TRA2A: variants seen among roughly 807,000 people sequenced by gnomAD.
The protein encoded by TRA2A is transformer 2 alpha homolog.
TRA2A carries 31 observed loss-of-function variants against 45.7 expected under a neutral mutation model. That is an observed-to-expected ratio of 0.68 (90% CI 0.51 to 0.92). The LOEUF (loss-of-function observed/expected upper bound fraction) is 0.92, where lower values mean the gene tolerates loss of function less well. Among genes scored for constraint, TRA2A ranks in the 40% least tolerant of loss-of-function variants. The pLI is 0.00. For missense variants in TRA2A, 304 were observed against 367.5 expected, an observed-to-expected ratio of 0.83 and a Z score of 1.41; for synonymous variants, 132 against 126.2, an observed-to-expected ratio of 1.05 and a Z score of -0.31.
In TRA2A at chr7:23,518,427, C is replaced by T. The variant is rs541854189; in HGVS notation, c.171-1899G>A. ...CACAATCTCAGCTCACTGCAACCTCCGCCTTCTGGGTTCAAGTGATTCTCC... is the reference window on the plus strand; with the variant it reads ...CACAATCTCAGCTCACTGCAACCTCTGCCTTCTGGGTTCAAGTGATTCTCC... On this transcript the variant is annotated intron_variant, in intron 2 of 7. Coordinates refer to ENST00000297071, the MANE Select transcript of TRA2A (RefSeq NM_013293.5). Among the ~76,000 whole-genome samples the T allele has an allele frequency of 2.8e-4, 43 of 152,230 alleles. 1 individual carries two copies. The South Asian group carries it at 8.3e-3, about 29-fold the overall frequency.
In TRA2A at chr7:23,531,879, G is replaced by C; in HGVS notation, c.-55C>G. The C allele has an allele frequency of 6.3e-7, 1 of 1,596,852 alleles. No individual in the cohort carries two copies. Among genetic ancestry groups the C allele is most frequent in the Non-Finnish European group, 8.6e-7 (1 of 1,167,424 alleles). Reference sequence around the variant, plus strand: ...AGAGACAAGTCTCGGCTCGAGGGCCGATGGCCTAATTAACCCGCTGACTGG... The same window carrying C: ...AGAGACAAGTCTCGGCTCGAGGGCCCATGGCCTAATTAACCCGCTGACTGG... On this transcript the variant is annotated 5_prime_UTR_variant, in exon 1 of 8. The change creates a new upstream start codon in the 5' untranslated region. Coordinates refer to ENST00000297071, the MANE Select transcript of TRA2A (RefSeq NM_013293.5).
intron 1 of TRA2A, among the ~76,000 whole-genome samples, chr7:23,528,209 G>GT (rs558143307): frequency 1.6e-3 from 241 of 151,540 alleles, no homozygotes; most frequent in African/African-American, 5.1e-3. Flanking sequence ...AAAGTTCTGT[G>GT]TTTTTTTTTG....
chr7:23,517,051 G>A (rs982144445), intron 2 of TRA2A, among the ~76,000 whole-genome samples: 7 of 152,002 alleles, frequency 4.6e-5, no homozygotes, highest in African/African-American at 1.7e-4. Context: ...GAGGTTGCAA[G>A]CCGAGATTGC....
chr7:23,506,366 A>C (rs1421064288), intron 5 of TRA2A, 100 bp from the exon 6 acceptor site: 10 of 1,349,176 alleles, frequency 7.4e-6, no homozygotes, highest in Non-Finnish European at 8.7e-6. Context: ...AGTGAGGAAG[A>C]ACATCCCTTT....
Position 23,505,780 on chromosome 7 carries a change from A to G in TRA2A, c.804T>C (p.Tyr268=), listed in dbSNP as rs35281714. ...RRSPSPYYSR[Y]RSRSRSRSYS... Reference sequence around the variant, plus strand: ...AGGAACGAGATCTTGATCGTGATCTATATCGACTATAATAAGGAGAAGGTG... The same window carrying G: ...AGGAACGAGATCTTGATCGTGATCTGTATCGACTATAATAAGGAGAAGGTG... The change falls in exon 7 of 8, where the codon TAT becomes TAC. Residue 268 remains tyrosine, a synonymous_variant. Transcript: ENST00000297071. 23,861 of 1,564,976 alleles carry G rather than the reference A, an allele frequency of 0.015. 253 individuals carry two copies. The highest frequency in any genetic ancestry group is 0.032 in the South Asian group (2,637 of 81,950).
At chr7:23,522,469 G>A (rs995770649) in intron 1 of TRA2A, 177 of 1,040,546 alleles carry the variant, frequency 1.7e-4, no homozygotes, top group Non-Finnish European at 2.1e-4. Context: ...ATTTAAGCAC[G>A]TGGGGATTAT....
At chr7:23,518,386 G>C (rs1424905004) in intron 2 of TRA2A, among the ~76,000 whole-genome samples, 2 of 152,040 alleles carry the variant, frequency 1.3e-5, no homozygotes, top group Non-Finnish European at 2.9e-5. Context: ...TCTTCACCCA[G>C]GCTGGAGTGC....
intron 4 of TRA2A, among the ~76,000 whole-genome samples, chr7:23,510,939 G>A (rs990116462): frequency 6.6e-6 from 1 of 152,004 alleles, no homozygotes; most frequent in African/African-American, 2.4e-5. Flanking sequence ...AGAGTTATCC[G>A]GGGTTTCTCA....
At chr7:23,515,860 A>T (rs891492754) in intron 3 of TRA2A, among the ~76,000 whole-genome samples, 1 of 150,186 alleles carries the variant, frequency 6.7e-6, no homozygotes, top group Admixed American at 6.6e-5. Flanking sequence ...TGTCCTTTTT[A>T]CTCAAACGTC....
chr7:23,516,524 T>C lies in TRA2A; in HGVS notation c.175A>G (p.Arg59Gly). Residue 59 changes from arginine to glycine, a missense_variant, in exon 3 of 8, where the codon AGG becomes GGG. Around this residue, in one of 3 missense-constraint regions of TRA2A, gnomAD observed 132 missense variants for 113.4 expected, o/e 1.16. Transcript: ENST00000297071. ...HSRSRSKSRSRSRRHSHRRYT... is the reference protein window; with the variant it reads ...HSRSRSKSRSGSRRHSHRRYT... ...CGTCTATGAGAATGTCTCCTTGACC[T>C]CGACCTTTGAGAGAAATACATTTAG... 6.2e-7 allele frequency: 1 copy of C among 1,613,770 alleles called. No homozygotes were observed. The highest frequency in any genetic ancestry group is 8.5e-7 in the Non-Finnish European group (1 of 1,179,890).
intron 7 of TRA2A, 46 bp from the exon 8 acceptor site, chr7:23,505,615 A>T: frequency 1.6e-6 from 1 of 613,966 alleles, no homozygotes; most frequent in Admixed American, 3.2e-5. Context: ...AAAAGTTAAC[A>T]ATTATAGTTT....
chr7:23,506,422 T>G, intron 5 of TRA2A, 156 bp from the exon 6 acceptor site: 1 of 937,268 alleles, frequency 1.1e-6, no homozygotes, highest in South Asian at 2.3e-5. Context: ...TCCCATGGTA[T>G]TCTGGTTTGC....
chr7:23,530,740 C>CT (rs1245975562), intron 1 of TRA2A, among the ~76,000 whole-genome samples: 2 of 152,054 alleles, frequency 1.3e-5, no homozygotes, highest in East Asian at 1.9e-4. Context: ...TTAATAAAAA[C>CT]TTTTTTCTGA....
chr7:23,530,257 A>C (rs1344126221), intron 1 of TRA2A, among the ~76,000 whole-genome samples: 2 of 152,136 alleles, frequency 1.3e-5, no homozygotes, highest in African/African-American at 4.8e-5. Flanking sequence ...AGCAGGTTCA[A>C]TTTTCATTTG....
intron 2 of TRA2A, among the ~76,000 whole-genome samples, chr7:23,521,040 A>G (rs1790113649): frequency 6.6e-6 from 1 of 152,160 alleles, no homozygotes; most frequent in Admixed American, 6.6e-5. Flanking sequence ...GGCATTTGAC[A>G]GTGAACTTTG....
intron 2 of TRA2A, among the ~76,000 whole-genome samples, chr7:23,519,178 G>C (rs969085513): frequency 1.1e-4 from 17 of 152,170 alleles, no homozygotes; most frequent in African/African-American, 1.7e-4. Flanking sequence ...CAGATCACAA[G>C]GTCAGGAGAT....
At chr7:23,521,559 G>C in intron 2 of TRA2A, 148 bp downstream of exon 2, 1 of 892,204 alleles carries the variant, frequency 1.1e-6, no homozygotes, top group East Asian at 2.6e-5. Flanking sequence ...TCTTTGTCTG[G>C]GATATAGTAT....
At chr7:23,519,325 C>G (rs1790029532) in intron 2 of TRA2A, among the ~76,000 whole-genome samples, 1 of 152,148 alleles carries the variant, frequency 6.6e-6, no homozygotes, top group Non-Finnish European at 1.5e-5. Context: ...ACCAGAGAGG[C>G]AGACATTGCA....
rs1413946802 is a variant in TRA2A at position 23,531,798 on chromosome 7, G to T, written c.27C>A (p.Phe9Leu). The change falls in exon 1 of 8, where the codon TTC (phenylalanine) becomes TTA (leucine). Residue 9 changes from phenylalanine (F) to leucine (L), a missense_variant. Physicochemically the swap from Phe to Leu is conservative, Grantham distance 22. This residue lies in a region of TRA2A where 132 missense variants were observed against 113.4 expected (regional missense o/e 1.16). Coordinates refer to ENST00000297071, the MANE Select transcript of TRA2A (RefSeq NM_013293.5). The part of the protein sequence containing the change: MSDVEENN[F>L]EGRESRSQSK... ...GCGGCTTTGTACTCACTCTGCCCTCGAAGTTGTTTTCCTCCACATCACTCA... is the reference window on the plus strand; with the variant it reads ...GCGGCTTTGTACTCACTCTGCCCTCTAAGTTGTTTTCCTCCACATCACTCA... 7 of 1,613,650 alleles carry T rather than the reference G, an allele frequency of 4.3e-6. No individual in the cohort carries two copies. The highest frequency in any genetic ancestry group is 5.1e-6 in the Non-Finnish European group (6 of 1,180,012).
Sources: allele counts gnomAD v4.1 joint callset (sites outside exome capture counted in the v4.1 genomes callset), GRCh38; gene constraint gnomAD v4.1.1; regional missense constraint gnomAD v4.1.1; transcripts MANE v1.5; gene names NCBI Gene and HGNC (gene_info 2026-07-23, HGNC 2026-07-21).